Variants in MSRB3 observed in about 807,000 individuals in gnomAD.
The protein encoded by MSRB3 is methionine sulfoxide reductase B3.
MSRB3 carries 13 observed loss-of-function variants against 21.0 expected under a neutral mutation model. That is an observed-to-expected ratio of 0.62 (90% CI 0.40 to 0.98). The LOEUF (loss-of-function observed/expected upper bound fraction) is 0.98. Among genes scored for constraint, MSRB3 ranks in the 50% least tolerant of loss-of-function variants. The pLI, the probability that MSRB3 is intolerant of heterozygous loss-of-function variation, is 0.00. For missense variants in MSRB3, 199 were observed against 230.3 expected (o/e 0.86, Z 0.88); for synonymous variants, 87 against 88.6 (o/e 0.98, Z 0.10).
chr12:65,409,966 G>T (rs1161725435), intron 5 of MSRB3, among the ~76,000 whole-genome samples: 1 of 151,826 alleles, frequency 6.6e-6, no homozygotes, highest in Non-Finnish European at 1.5e-5. Context: ...CTTCCATCTG[G>T]ATTTTATGGG....
At chr12:65,432,978 T>G (rs1881955736) in intron 5 of MSRB3, among the ~76,000 whole-genome samples, 1 of 150,742 alleles carries the variant, frequency 6.6e-6, no homozygotes, top group Non-Finnish European at 1.5e-5. Flanking sequence ...AACAAAATAA[T>G]AAGTGTTGGA....
intron 5 of MSRB3, among the ~76,000 whole-genome samples, chr12:65,396,710 AAG>A (rs1382601704): frequency 2.2e-5 from 1 of 45,978 alleles, no homozygotes; most frequent in African/African-American, 7.8e-5. Flanking sequence ...AAAAAAAAGA[AAG>A]AAAGAAAGAA....
At chr12:65,304,350 T>C (rs1224042218) in intron 1 of MSRB3, among the ~76,000 whole-genome samples, 4 of 152,252 alleles carry the variant, frequency 2.6e-5, no homozygotes, top group African/African-American at 7.2e-5. Flanking sequence ...TTATGGAATC[T>C]AATTCTGTTC....
In MSRB3 at chr12:65,292,442, G is replaced by GTCATCA. The variant is rs373202589; in HGVS notation, c.-52+13594_-52+13599dup. Among the ~76,000 whole-genome samples the GTCATCA allele has an allele frequency of 9.4e-3, 1,428 of 151,842 alleles. 24 individuals are homozygous for GTCATCA. The highest frequency in any genetic ancestry group is 0.033 in the African/African-American group (1,376 of 41,404). On this transcript the variant is annotated intron_variant, in intron 1 of 6. Transcript: ENST00000308259. ...GTTAACTAGCGTTGTCATTGTCATCGTCATCATCATCATCATCATCATTCT... is the reference window on the plus strand; with the variant it reads ...GTTAACTAGCGTTGTCATTGTCATCGTCATCATCATCATCATCATCATCATCATTCT...
chr12:65,391,801 ATTG>A (rs1211366406), intron 5 of MSRB3, among the ~76,000 whole-genome samples: 1 of 152,156 alleles, frequency 6.6e-6, no homozygotes, highest in East Asian at 1.9e-4. Context: ...TATCAATATA[ATTG>A]TTGAAGTCAT....
chr12:65,314,952 T>C (rs1415428577), intron 2 of MSRB3, among the ~76,000 whole-genome samples: 1 of 152,190 alleles, frequency 6.6e-6, no homozygotes, highest in Non-Finnish European at 1.5e-5. Context: ...ATGTGACAGA[T>C]TGTAGAAGGA....
At chr12:65,437,541 C>G in intron 5 of MSRB3, among the ~76,000 whole-genome samples, 1 of 151,734 alleles carries the variant, frequency 6.6e-6, no homozygotes, top group Non-Finnish European at 1.5e-5. Flanking sequence ...AACAACATAT[C>G]TAAGTGAGTC....
Position 65,429,554 on chromosome 12 carries a change from C to T in MSRB3, c.293-24174C>T, listed in dbSNP as rs114910151. ...GAACTGAATGTGTCAAGCCTGAAATCAAATTCTGCATATTTTGTCCTTATC... is the reference window on the plus strand; with the variant it reads ...GAACTGAATGTGTCAAGCCTGAAATTAAATTCTGCATATTTTGTCCTTATC... On this transcript the variant is annotated intron_variant, in intron 5 of 6. Transcript: ENST00000308259. Among the ~76,000 whole-genome samples the T allele has an allele frequency of 2.5e-3, 376 of 152,210 alleles. 1 individual carries two copies. Among genetic ancestry groups the T allele is most frequent in the African/African-American group, 8.3e-3 (344 of 41,520 alleles).
intron 1 of MSRB3, among the ~76,000 whole-genome samples, chr12:65,279,674 A>T (rs1417487452): frequency 6.6e-6 from 1 of 152,244 alleles, no homozygotes; most frequent in East Asian, 1.9e-4. Flanking sequence ...GCAGTTATGA[A>T]GTCGTTACAG....
intron 5 of MSRB3, among the ~76,000 whole-genome samples, chr12:65,369,808 A>C (rs1413857992): frequency 1.3e-5 from 2 of 152,192 alleles, no homozygotes; most frequent in African/African-American, 4.8e-5. Flanking sequence ...TTCCAGGAGA[A>C]AATAATTTAC....
At chr12:65,346,324 T>C (rs1268849628) in intron 4 of MSRB3, among the ~76,000 whole-genome samples, 1 of 152,238 alleles carries the variant, frequency 6.6e-6, no homozygotes, top group Non-Finnish European at 1.5e-5. Flanking sequence ...TTTGCATTTC[T>C]CTGATGGCCA....
intron 4 of MSRB3, among the ~76,000 whole-genome samples, chr12:65,359,092 A>T (rs1047047396): frequency 6.6e-6 from 1 of 151,968 alleles, no homozygotes; most frequent in Non-Finnish European, 1.5e-5. Flanking sequence ...CAATTTTATA[A>T]CTTATAGTTA....
chr12:65,381,926 ATACT>A (rs1878957864), intron 5 of MSRB3, among the ~76,000 whole-genome samples: 1 of 152,082 alleles, frequency 6.6e-6, no homozygotes, highest in Non-Finnish European at 1.5e-5. Flanking sequence ...TATTAAAGAC[ATACT>A]TAATTGATAT....
intron 1 of MSRB3, among the ~76,000 whole-genome samples, chr12:65,304,137 G>A (rs1873506239): frequency 6.6e-6 from 1 of 152,100 alleles, no homozygotes; most frequent in Admixed American, 6.6e-5. Context: ...ACATTTCAGA[G>A]GCACCAATTG....
At chr12:65,417,289 A>G (rs1056975021) in intron 5 of MSRB3, among the ~76,000 whole-genome samples, 4 of 152,132 alleles carry the variant, frequency 2.6e-5, no homozygotes, top group Admixed American at 2.0e-4. Flanking sequence ...GTCCTTGAGA[A>G]CTCTATCTCT....
In MSRB3 at chr12:65,310,467, C is replaced by T. The variant is rs538944352; in HGVS notation, c.76+1812C>T. 4.6e-5 allele frequency among the ~76,000 whole-genome samples: 7 copies of T among 152,216 alleles called. No individual in the cohort carries two copies. In the South Asian group the frequency reaches 8.3e-4, roughly 18 times the overall value. ...TTGCAGAACCTTTTCAATGCTATAC[C>T]GTACATATCACAGGTGGACTATGGA... On this transcript the variant is annotated intron_variant, in intron 2 of 6. Coordinates refer to ENST00000308259, the MANE Select transcript of MSRB3 (RefSeq NM_001031679.3).
intron 5 of MSRB3, among the ~76,000 whole-genome samples, chr12:65,436,211 A>G (rs1481362824): frequency 6.6e-6 from 1 of 151,896 alleles, no homozygotes; most frequent in African/African-American, 2.4e-5. Flanking sequence ...TATGTTACAG[A>G]TAACCCACAG....
At chr12:65,451,085 CTT>C (rs879617177) in intron 5 of MSRB3, among the ~76,000 whole-genome samples, 24 of 152,152 alleles carry the variant, frequency 1.6e-4, no homozygotes, top group Admixed American at 3.3e-4. Context: ...CCATGATTCT[CTT>C]TTGAAATGCG....
At chr12:65,375,877 A>G (rs182269936) in intron 5 of MSRB3, among the ~76,000 whole-genome samples, 30 of 152,074 alleles carry the variant, frequency 2.0e-4, no homozygotes, top group African/African-American at 7.2e-4. Flanking sequence ...TTGGTAGTCA[A>G]AGAATTTGGC....
Sources: allele counts gnomAD v4.1 joint callset (sites outside exome capture counted in the v4.1 genomes callset), GRCh38; gene constraint gnomAD v4.1.1; transcripts MANE v1.5; gene names NCBI Gene and HGNC (gene_info 2026-07-23, HGNC 2026-07-21).